The following TSC2 variants were observed in gnomAD, a reference collection of about 807,000 sequenced individuals.
TSC2 encodes the protein tuberin.
In TSC2, 29 loss-of-function variants were observed where a neutral mutation model predicts 202.2. The ratio of observed to expected loss-of-function variants is 0.14; its 90% CI spans 0.11 to 0.20. The LOEUF is 0.20. Among genes scored for constraint, TSC2 ranks in the 10% least tolerant of loss-of-function variants. The probability of loss-of-function intolerance (pLI) is 1.00; values close to 1 mark genes in which losing one functional copy is unlikely to be tolerated. For missense variants in TSC2, 2,429 were observed against 2,420.0 expected (o/e 1.00, Z -0.08); for synonymous variants, 1,349 against 1,044.0 (o/e 1.29, Z -5.63).
rs757388437 is a variant in TSC2 at position 2,085,295 on chromosome 16, C to G, written c.4635C>G (p.Ile1545Met). ...DQIPSYDTHK[I>M]AVLYVGEGQS... is the part of the protein sequence containing the mutation. ...TCCCATCATACGACACCCACAAGAT[C>G]GCCGTCCTGTATGTTGGAGAAGGCC... The change falls in exon 36 of 42, where the codon ATC (isoleucine) becomes ATG (methionine). Residue 1545 changes from isoleucine to methionine, a missense_variant. Ile to Met is a conservative substitution (Grantham distance 10, BLOSUM62 1). Transcript: ENST00000219476. 1.2e-6 allele frequency: 2 copies of G among 1,612,748 alleles called. No individual in the cohort carries two copies. The highest frequency in any genetic ancestry group is 1.7e-6 in the Non-Finnish European group (2 of 1,179,940).
intron 29 of TSC2, 97 bp from the exon 30 acceptor site, chr16:2,080,068 G>T: frequency 6.6e-7 from 1 of 1,520,960 alleles, no homozygotes; most frequent in Non-Finnish European, 9.1e-7. Context: ...GCTGCCTGTG[G>T]CACTAGCTTG....
chr16:2,080,099 C>A, intron 29 of TSC2, 66 bp from the exon 30 acceptor site: 2 of 1,600,002 alleles, frequency 1.3e-6, no homozygotes, highest in Non-Finnish European at 1.7e-6. Flanking sequence ...GGGGAGCATT[C>A]AGCTTGAGGC....
Position 2,077,644 on chromosome 16 carries a change from C to T in TSC2, c.2884C>T (p.Pro962Ser), listed in dbSNP as rs1477697117. 3 of 1,613,028 alleles carry T rather than the reference C, an allele frequency of 1.9e-6. No homozygotes were observed. The highest frequency in any genetic ancestry group is 2.7e-5 in the African/African-American group (2 of 74,934). Residue 962 changes from proline (P) to serine (S), a missense_variant, in exon 26 of 42, where the codon CCC becomes TCC. By Grantham distance (74) the Pro-to-Ser change is moderately conservative. Transcript: ENST00000219476. ...CAAACAAGGCTTGAATAACTCTCCACCCGTGAAAGAATTCAAGGAGAGCTC... is the reference window on the plus strand; with the variant it reads ...CAAACAAGGCTTGAATAACTCTCCATCCGTGAAAGAATTCAAGGAGAGCTC... Reference protein sequence around the residue: ...PPKQGLNNSPPVKEFKESSAA... With the variant: ...PPKQGLNNSPSVKEFKESSAA...
At chr16:2,086,644 C>A (rs1171831507) in intron 37 of TSC2, 88 bp from the exon 38 acceptor site, 1 of 1,584,372 alleles carries the variant, frequency 6.3e-7, no homozygotes, top group African/African-American at 1.3e-5. Context: ...CCCCAGAGCC[C>A]CTGGAGTAAT....
At chr16:2,070,968 GGAGAGGGCAGAGCT>G (rs201252128) in intron 17 of TSC2, among the ~76,000 whole-genome samples, 5 of 151,312 alleles carry the variant, frequency 3.3e-5, no homozygotes, top group African/African-American at 1.2e-4. Context: ...GGGCAGGGCT[GGAGAGGGCAGAGCT>G]GAGAGGGCAG....
At chr16:2,084,765 C>A (rs1055716629) in intron 34 of TSC2, 50 bp downstream of exon 34, 2 of 1,598,462 alleles carry the variant, frequency 1.3e-6, no homozygotes, top group Non-Finnish European at 1.7e-6. Flanking sequence ...CCTGCGGGAA[C>A]CTGGTGCCTC....
At chr16:2,072,072 C>T in intron 19 of TSC2, 138 bp downstream of exon 19, 3 of 1,484,370 alleles carry the variant, frequency 2.0e-6, no homozygotes, top group Non-Finnish European at 2.7e-6. Context: ...TCCCCCTTCC[C>T]CGAGCAGCTG....
intron 18 of TSC2, 46 bp from the exon 19 acceptor site, chr16:2,071,738 T>A (rs751507731): frequency 6.3e-7 from 1 of 1,598,284 alleles, no homozygotes; most frequent in Admixed American, 1.7e-5. Context: ...TCTGTTCCGT[T>A]CCTGCTGCGG....
At chr16:2,083,139 T>G (rs2090339019) in intron 32 of TSC2, 1 of 456,248 alleles carries the variant, frequency 2.2e-6, no homozygotes, top group African/African-American at 2.0e-5. Flanking sequence ...TCCCCTCTGT[T>G]GCTGCTTCTA....
chr16:2,082,747 C>T, intron 32 of TSC2: 1 of 598,982 alleles, frequency 1.7e-6, no homozygotes, highest in Non-Finnish European at 3.0e-6. Context: ...CCCGGCCCAG[C>T]TTCAGGCCTG....
intron 24 of TSC2, 74 bp downstream of exon 24, chr16:2,076,244 G>A (rs183086305): frequency 4.4e-6 from 7 of 1,600,714 alleles, no homozygotes; most frequent in East Asian, 2.2e-5. Flanking sequence ...GTCCATGGTC[G>A]GGCAGAGTGA....
Position 2,079,367 on chromosome 16 carries a change from A to G in TSC2, c.3223A>G (p.Thr1075Ala), listed in dbSNP as rs768568810. ...KLVTVTTSVG[T>A]GTRSLLGLDS... ...TGTCACTGTGACGACAAGCGTGGGA[A>G]CCGGGACCCGGTCGTTACTAGGCCT... The change falls in exon 28 of 42, where the codon ACC becomes GCC. Residue 1075 changes from threonine (T) to alanine (A), a missense_variant. Coordinates refer to ENST00000219476, the MANE Select transcript of TSC2 (RefSeq NM_000548.5). The surrounding 1 kb of genome is among the most constrained non-coding windows in gnomAD (Gnocchi z 4.6). The G allele has an allele frequency of 1.2e-6, 2 of 1,612,758 alleles. No homozygotes were observed. Among genetic ancestry groups the G allele is most frequent in the Non-Finnish European group, 1.7e-6 (2 of 1,180,004 alleles).
chr16:2,053,827 T>G, intron 4 of TSC2: 1 of 506,770 alleles, frequency 2.0e-6, no homozygotes, highest in Non-Finnish European at 3.9e-6. Flanking sequence ...TCTGTGCTGG[T>G]CTTGGCTGAC....
At chr16:2,063,168 C>G (rs1418575889) in intron 14 of TSC2, 115 bp downstream of exon 14, 2 of 1,272,652 alleles carry the variant, frequency 1.6e-6, no homozygotes, top group Non-Finnish European at 2.2e-6. Flanking sequence ...TTCGGTCCTG[C>G]CGGACCCTCT....
rs764337376 is a variant in TSC2 at position 2,075,912 on chromosome 16, C to G, written c.2639+20C>G. 6.2e-7 allele frequency: 1 copy of G among 1,613,050 alleles called. No individual in the cohort carries two copies. The highest frequency in any genetic ancestry group is 1.1e-5 in the South Asian group (1 of 91,084). ...CTCCAAGTGAGTGGTCGCCCCAGGC[C>G]CTGTGCCTCCCAGCCGTGGCCCCCG... On this transcript the variant is annotated intron_variant, in intron 23 of 41. Transcript: ENST00000219476.
intron 32 of TSC2, 114 bp from the exon 33 acceptor site, chr16:2,083,581 A>C (rs2090396479): frequency 9.3e-6 from 14 of 1,502,866 alleles, no homozygotes; most frequent in African/African-American, 1.4e-5. Context: ...AGCCCTGGGG[A>C]GGCTCGCAGG....
At chr16:2,087,773 C>G in intron 38 of TSC2, 90 bp from the exon 39 acceptor site, 2 of 1,454,858 alleles carry the variant, frequency 1.4e-6, no homozygotes, top group Non-Finnish European at 1.9e-6. Flanking sequence ...ATGGAGCTGA[C>G]AGGTGTCTAG....
intron 31 of TSC2, chr16:2,082,043 C>T: frequency 1.6e-6 from 1 of 634,874 alleles, no homozygotes; most frequent in South Asian, 1.8e-5. Flanking sequence ...CTCTGCCCAG[C>T]ATCCTCCGTG....
Position 2,079,343 on chromosome 16 carries a change from G to C in TSC2, c.3199G>C (p.Val1067Leu), listed in dbSNP as rs200681169. The change falls in exon 28 of 42, where the codon GTC becomes CTC. Residue 1067 changes from valine (V) to leucine (L), a missense_variant. Physicochemically the swap from Val to Leu is conservative, Grantham distance 32 (BLOSUM62 1). Coordinates refer to ENST00000219476, the MANE Select transcript of TSC2 (RefSeq NM_000548.5). The surrounding 1 kb of genome is among the most constrained non-coding windows in gnomAD (Gnocchi z 4.6). ...TKTWLVGNKL[V>L]TVTTSVGTGT... Reference sequence around the variant, plus strand: ...AACCTGGCTGGTTGGGAACAAGCTTGTCACTGTGACGACAAGCGTGGGAAC... The same window carrying C: ...AACCTGGCTGGTTGGGAACAAGCTTCTCACTGTGACGACAAGCGTGGGAAC... 6 of 1,613,030 alleles carry C rather than the reference G, an allele frequency of 3.7e-6. No individual in the cohort carries two copies. Among genetic ancestry groups the C allele is most frequent in the African/African-American group, 2.7e-5 (2 of 75,054 alleles).
Sources: allele counts gnomAD v4.1 joint callset (sites outside exome capture counted in the v4.1 genomes callset), GRCh38; gene constraint gnomAD v4.1.1; non-coding constraint Gnocchi (gnomAD v3.1); transcripts MANE v1.5; gene names NCBI Gene and HGNC (gene_info 2026-07-23, HGNC 2026-07-21).